Variants in SMC1A observed in about 807,000 individuals in gnomAD.
SMC1A encodes structural maintenance of chromosomes protein 1A.
SMC1A carries 4 observed loss-of-function variants against 94.5 expected under a neutral mutation model. The ratio of observed to expected loss-of-function variants is 0.04; its 90% CI spans 0.02 to 0.10. The LOEUF (loss-of-function observed/expected upper bound fraction) is 0.10, where lower values mean the gene tolerates loss of function less well. Ranked by LOEUF, SMC1A falls within the 10% of genes least tolerant of loss-of-function variation. The pLI, the probability that SMC1A is intolerant of heterozygous loss-of-function variation, is 1.00. For synonymous variants in SMC1A, 345 were observed against 347.7 expected (o/e 0.99, Z 0.09); for missense variants, 304 against 989.0 (o/e 0.31, Z 9.29).
At chrX:53,419,269 G>A (rs1330817721) in intron 1 of SMC1A, among the ~76,000 whole-genome samples, 2 of 110,287 alleles carry the variant, frequency 1.8e-5, no homozygotes, top group Non-Finnish European at 1.9e-5. Flanking sequence ...TCTCACGCCT[G>A]TAATCCCAGC....
intron 19 of SMC1A, among the ~76,000 whole-genome samples, chrX:53,392,249 G>A (rs976117934): frequency 9.2e-5 from 10 of 108,609 alleles, no homozygotes; most frequent in African/African-American, 3.0e-4. Context: ...AAATTTAGCC[G>A]GGCGTGGTGG....
At position 53,405,408 on chromosome X, in the gene SMC1A, G is replaced by A; in HGVS notation, c.1912-17C>T. The A allele has an allele frequency of 8.3e-7, 1 of 1,211,216 alleles. No homozygotes were observed. The highest frequency in any genetic ancestry group is 1.7e-5 in the African/African-American group (1 of 57,842). On this transcript the variant is annotated splice_polypyrimidine_tract_variant and intron_variant, in intron 11 of 24. Transcript: ENST00000322213. ...TGCCACTGTCTACACACAGCAGGGG[G>A]AAGAGAGAAGAGGGGGAGAAGCTGA...
chrX:53,399,475 TATTG>T (rs1316190798), intron 16 of SMC1A, 110 bp downstream of exon 16: 2 of 732,768 alleles, frequency 2.7e-6, no homozygotes, highest in Non-Finnish European at 4.1e-6. Context: ...GTATTTTTCT[TATTG>T]ATTTAGATGA....
At chrX:53,404,937 C>T in intron 13 of SMC1A, 75 bp downstream of exon 13, 1 of 1,111,893 alleles carries the variant, frequency 9.0e-7, no homozygotes, top group Non-Finnish European at 1.2e-6. Flanking sequence ...GAAACAAGTT[C>T]CCCACCCCCA....
In SMC1A at chrX:53,407,151, G is replaced by A. The variant is rs143833795; in HGVS notation, c.1546-1195C>T. ...CCTTAGAATCTCAGGAATGAGCAGTGTCTTTTGTATGTTAATGAGATGATT... is the reference window on the plus strand; with the variant it reads ...CCTTAGAATCTCAGGAATGAGCAGTATCTTTTGTATGTTAATGAGATGATT... On this transcript the variant is annotated intron_variant, in intron 9 of 24. Coordinates refer to ENST00000322213, the MANE Select transcript of SMC1A (RefSeq NM_006306.4). Among the ~76,000 whole-genome samples, 32 of 112,323 alleles carry A rather than the reference G, an allele frequency of 2.8e-4. 1 individual carries two copies. The highest frequency in any genetic ancestry group is 9.0e-4 in the African/African-American group (28 of 30,976).
chrX:53,380,324 TGA>T (rs782338733), intron 24 of SMC1A, 138 bp from the exon 25 acceptor site: 147 of 508,861 alleles, frequency 2.9e-4, no homozygotes, highest in Non-Finnish European at 4.8e-4. Flanking sequence ...TCTCTGGGTG[TGA>T]GAGGATATGC....
intron 7 of SMC1A, among the ~76,000 whole-genome samples, 186 bp downstream of exon 7, chrX:53,411,575 G>A (rs782770178): frequency 6.1e-4 from 67 of 110,381 alleles, no homozygotes; most frequent in Non-Finnish European, 5.3e-4. Context: ...GGGCAAGAGC[G>A]AAACTCTGTC....
chrX:53,384,992 A>AAT (rs1306359802), intron 19 of SMC1A, among the ~76,000 whole-genome samples: 67 of 107,897 alleles, frequency 6.2e-4, no homozygotes, highest in East Asian at 1.5e-3. Context: ...AGCTAAAAAA[A>AAT]ATATATATAT....
chrX:53,412,425 C>T (rs1184838940), intron 5 of SMC1A, among the ~76,000 whole-genome samples, 172 bp from the exon 6 acceptor site: 3 of 112,201 alleles, frequency 2.7e-5, no homozygotes, highest in Non-Finnish European at 5.6e-5. Context: ...TCTGACTACT[C>T]CCTGAAAGGT....
rs1366973039 is a variant in SMC1A at position 53,404,022 on chromosome X, T to C, written c.2197-129A>G. ...CTGAGAGAACCTGGCTTAGCACTAC[T>C]GCCCTAGTCAAGCCTCCATGATGTT... is the stretch of plus-strand genomic sequence containing the variant. On this transcript the variant is annotated intron_variant, in intron 13 of 24. Coordinates refer to ENST00000322213, the MANE Select transcript of SMC1A (RefSeq NM_006306.4). 5.5e-6 allele frequency: 3 copies of C among 540,651 alleles called. No homozygotes were observed. The African/African-American group carries it at 6.8e-5, about 12-fold the overall frequency. 44.6% of individuals were successfully genotyped at this position (540,651 alleles called of 1,213,427 possible). A position where few individuals can be genotyped will look rare whatever the true frequency, so the allele number is the denominator to read the frequency against.
chrX:53,413,295 A>G lies in SMC1A; in HGVS notation c.552T>C (p.Phe184=), dbSNP rs1556890821. ...EMVKAEEDTQ[F]NYHRKKNIAA... ...CAATATTTTTCTTGCGATGGTAATT[A>G]AACTGTGTGTCCTCTTCAGCCTTCA... Residue 184 remains phenylalanine (F), a synonymous_variant, in exon 4 of 25, where the codon TTT becomes TTC. Coordinates refer to ENST00000322213, the MANE Select transcript of SMC1A (RefSeq NM_006306.4). 8.3e-7 allele frequency: 1 copy of G among 1,209,661 alleles called. No homozygotes were observed. The highest frequency in any genetic ancestry group is 1.8e-5 in the African/African-American group (1 of 57,066).
At chrX:53,393,689 T>C (rs1602404097) in intron 19 of SMC1A, among the ~76,000 whole-genome samples, 2 of 111,404 alleles carry the variant, frequency 1.8e-5, no homozygotes, top group South Asian at 3.8e-4. Flanking sequence ...GGTTCATTAT[T>C]ATCATTCTCT....
Position 53,411,753 on chromosome X carries a change from T to C in SMC1A, c.1254+8A>G, listed in dbSNP as rs2075713975. ...ACCATCATCCCTAATCTTATAACTA[T>C]AGCCCACCTCTGTCTCTACTTTCTT... On this transcript the variant is annotated splice_region_variant and intron_variant, in intron 7 of 24. Transcript: ENST00000322213. 1 of 1,210,114 alleles carries C rather than the reference T, an allele frequency of 8.3e-7. No homozygotes were observed. The highest frequency in any genetic ancestry group is 3.0e-5 in the East Asian group (1 of 33,851).
At chrX:53,393,318 A>G (rs1041931149) in intron 19 of SMC1A, among the ~76,000 whole-genome samples, 10 of 111,416 alleles carry the variant, frequency 9.0e-5, no homozygotes, top group African/African-American at 3.3e-4. Flanking sequence ...ATAGATAAAT[A>G]CGAAGGAAAA....
At chrX:53,402,454 C>T (rs1178092719) in intron 15 of SMC1A, among the ~76,000 whole-genome samples, 2 of 109,818 alleles carry the variant, frequency 1.8e-5, no homozygotes, top group Non-Finnish European at 3.8e-5. Context: ...TCCCGCCTCC[C>T]TCCACCTCAC....
chrX:53,411,973 G>A (rs782333994), intron 6 of SMC1A, 22 bp downstream of exon 6: 2 of 1,211,287 alleles, frequency 1.7e-6, no homozygotes, highest in African/African-American at 1.7e-5. Flanking sequence ...TCTCCTCCCT[G>A]CCAACCCCTT....
chrX:53,415,838 A>AT (rs2075729719), intron 1 of SMC1A, among the ~76,000 whole-genome samples: 1 of 104,098 alleles, frequency 9.6e-6, no homozygotes, highest in Non-Finnish European at 1.9e-5. Flanking sequence ...CTTTAAAAAA[A>AT]TAGTGAAAAA....
intron 9 of SMC1A, 60 bp from the exon 10 acceptor site, chrX:53,406,016 C>A: frequency 9.5e-7 from 1 of 1,050,171 alleles, no homozygotes; most frequent in Non-Finnish European, 1.3e-6. Flanking sequence ...GCTCAGGAAT[C>A]CTAATTCCCA....
intron 19 of SMC1A, among the ~76,000 whole-genome samples, chrX:53,394,312 T>C (rs1409074385): frequency 9.1e-6 from 1 of 109,918 alleles, no homozygotes; most frequent in Non-Finnish European, 1.9e-5. Flanking sequence ...TGGGTAAATA[T>C]GGGGAGGAAG....
Sources: gnomAD v4.1 joint callset for allele counts (sites outside exome capture counted in the v4.1 genomes callset) on GRCh38, gnomAD v4.1.1 for gene constraint, MANE v1.5 for transcripts, NCBI Gene and HGNC (gene_info 2026-07-23, HGNC 2026-07-21) for gene names.